MARF1: variants seen among roughly 807,000 people sequenced by gnomAD.
MARF1 encodes the protein meiosis regulator and mRNA stability factor 1, also known as limkain-b1.
Under a neutral mutation model 168.2 loss-of-function variants are expected in MARF1, and 24 were observed. The observed-to-expected ratio is 0.14, with a 90% CI of 0.10 to 0.20. The LOEUF is 0.20. MARF1 is among the 10% of genes least tolerant of loss of function. The pLI, the probability that MARF1 is intolerant of heterozygous loss-of-function variation, is 1.00. For synonymous variants in MARF1, 868 were observed against 822.4 expected, an observed-to-expected ratio of 1.06 and a Z score of -0.95; for missense variants, 1,744 against 2,143.6, an observed-to-expected ratio of 0.81 and a Z score of 3.68.
chr16:15,613,641 C>A (rs1198701613), intron 16 of MARF1, among the ~76,000 whole-genome samples: 1 of 123,520 alleles, frequency 8.1e-6, no homozygotes, highest in East Asian at 2.3e-4. Context: ...CAGCCTGGGA[C>A]ACAGAGCGAG....
rs906566193 is a variant in MARF1, at chr16:15,617,439, G to A, written c.2817C>T (p.Pro939=). ...AGGGGCTCTGGCGGGCCTGACTGCT[G>A]GGTAGGAGACACACCAGCCGTCCGT... ...QGNGRLVCLL[P]SSQARQSPLG... is the part of the protein sequence containing the mutation. Residue 939 remains proline (P), a synonymous_variant, in exon 14 of 27, where the codon CCC becomes CCT. Coordinates refer to ENST00000396368, the MANE Select transcript of MARF1 (RefSeq NM_014647.4). The A allele has an allele frequency of 6.2e-7, 1 of 1,613,960 alleles. No individual in the cohort carries two copies. The highest frequency in any genetic ancestry group is 8.5e-7 in the Non-Finnish European group (1 of 1,180,034).
intron 21 of MARF1, among the ~76,000 whole-genome samples, chr16:15,607,524 G>A (rs1209146342): frequency 6.6e-6 from 1 of 152,140 alleles, no homozygotes; most frequent in African/African-American, 2.4e-5. Context: ...ACTCTAGCCT[G>A]GGCCACAGAG....
Position 15,615,889 on chromosome 16 carries a change from G to A in MARF1, c.3194C>T (p.Ala1065Val). 1.2e-6 allele frequency: 2 copies of A among 1,601,904 alleles called. No individual in the cohort carries two copies. Among genetic ancestry groups the A allele is most frequent in the Non-Finnish European group, 1.7e-6 (2 of 1,173,626 alleles). ...TCVPGVNIAT[A>V]QNGIKVVKWI... ...TTTAACCACTTTGATGCCATTCTGA[G>A]CAGTGGCAATGTTTACACCTGGAAC... Residue 1065 changes from alanine (A) to valine (V), a missense_variant, in exon 16 of 27, where the codon GCT becomes GTT. Ala to Val is a moderately conservative substitution (Grantham distance 64). Around this residue, in one of 7 missense-constraint regions of MARF1, gnomAD observed 543 missense variants for 742.1 expected, o/e 0.73. Coordinates refer to ENST00000396368, the MANE Select transcript of MARF1 (RefSeq NM_014647.4).
intron 14 of MARF1, 52 bp downstream of exon 14, chr16:15,617,247 T>C: frequency 1.2e-6 from 2 of 1,609,782 alleles, no homozygotes; most frequent in Non-Finnish European, 8.5e-7. Flanking sequence ...TCCTAACATG[T>C]TCCACAATCT....
chr16:15,619,672 C>T (rs1183895891), intron 13 of MARF1, among the ~76,000 whole-genome samples: 2 of 152,152 alleles, frequency 1.3e-5, no homozygotes, highest in African/African-American at 2.4e-5. Flanking sequence ...TTTCTCTTCC[C>T]GCTAGACATA....
chr16:15,605,369 T>C (rs1365150670), intron 21 of MARF1, among the ~76,000 whole-genome samples: 2 of 152,100 alleles, frequency 1.3e-5, no homozygotes, highest in African/African-American at 4.8e-5. Context: ...TGAGGAGCCA[T>C]CCCAAGACCA....
At chr16:15,601,148 G>T in intron 23 of MARF1, 2 of 456,430 alleles carry the variant, frequency 4.4e-6, no homozygotes, top group Non-Finnish European at 8.8e-6. Flanking sequence ...CTCCATCTCA[G>T]CCAAGCAGAG....
At chr16:15,640,476 G>T (rs568836368) in intron 1 of MARF1, among the ~76,000 whole-genome samples, 1 of 152,210 alleles carries the variant, frequency 6.6e-6, no homozygotes, top group African/African-American at 2.4e-5. Flanking sequence ...GGCCAAGGTG[G>T]GTGGATTGCT....
rs771291028 is a variant in MARF1 at position 15,598,986 on chromosome 16, C to T, written c.4852G>A (p.Asp1618Asn). The change falls in exon 26 of 27, where the codon GAC becomes AAC. Residue 1618 changes from aspartate (D) to asparagine (N), a missense_variant. Asp to Asn is a conservative substitution (Grantham distance 23, BLOSUM62 1). Coordinates refer to ENST00000396368, the MANE Select transcript of MARF1 (RefSeq NM_014647.4). ...HTEQELLRLTDDSPVDLLCAP... is the reference protein window; with the variant it reads ...HTEQELLRLTNDSPVDLLCAP... ...CACAGGAGGTCGACGGGGGAGTCGT[C>T]GGTCAGGCGGAGAAGCTCCTGCTCT... The T allele has an allele frequency of 3.5e-5, 57 of 1,611,386 alleles. 2 individuals are homozygous for T. Among genetic ancestry groups the T allele is most frequent in the South Asian group, 2.0e-4 (18 of 90,832 alleles).
chr16:15,624,245 C>T (rs2034676338), intron 10 of MARF1, among the ~76,000 whole-genome samples: 1 of 152,186 alleles, frequency 6.6e-6, no homozygotes. Flanking sequence ...CTACAGTGAT[C>T]TGCCACCAAC....
chr16:15,609,285 T>G (rs571738036), intron 20 of MARF1, among the ~76,000 whole-genome samples: 32 of 152,148 alleles, frequency 2.1e-4, no homozygotes, highest in Non-Finnish European at 4.6e-4. Context: ...CTACTGAATC[T>G]TTTTTTCAAT....
chr16:15,640,129 G>C (rs751613659), intron 1 of MARF1, among the ~76,000 whole-genome samples: 2 of 152,306 alleles, frequency 1.3e-5, no homozygotes, highest in Non-Finnish European at 1.5e-5. Context: ...GAGTAAAAGA[G>C]CCACCACCAC....
rs1222998400 is a variant in MARF1, at chr16:15,600,435, G to A, written c.4806C>T (p.Asp1602=). 1.5e-5 allele frequency: 25 copies of A among 1,613,914 alleles called. No homozygotes were observed. Among genetic ancestry groups the A allele is most frequent in the African/African-American group, 8.0e-5 (6 of 74,874 alleles). The part of the protein sequence containing the change: ...HTASELKLGA[D]GSGPSHTEQE... ...CTGCTTTTCCTCTCTTACCACTGCC[G>A]TCAGCTCCAAGCTTGAGTTCCGAGG... The change falls in exon 25 of 27, where the codon GAC becomes GAT. Residue 1602 remains aspartate, a synonymous_variant. Transcript: ENST00000396368.
chr16:15,625,010 A>C lies in MARF1; in HGVS notation c.2111+6T>G. ...AGCAGCTATGAGAAAGAGTAGTTTCACATACTTCTGACTGGTTTTGTAAAC... is the reference window on the plus strand; with the variant it reads ...AGCAGCTATGAGAAAGAGTAGTTTCCCATACTTCTGACTGGTTTTGTAAAC... On this transcript the variant is annotated splice_donor_region_variant and intron_variant, in intron 9 of 26. Coordinates refer to ENST00000396368, the MANE Select transcript of MARF1 (RefSeq NM_014647.4). 1 of 1,614,146 alleles carries C rather than the reference A, an allele frequency of 6.2e-7. No individual in the cohort carries two copies. Among genetic ancestry groups the C allele is most frequent in the Non-Finnish European group, 8.5e-7 (1 of 1,179,994 alleles).
At chr16:15,597,662 G>A (rs1034265636) in intron 26 of MARF1, among the ~76,000 whole-genome samples, 1 of 152,238 alleles carries the variant, frequency 6.6e-6, no homozygotes, top group Non-Finnish European at 1.5e-5. Flanking sequence ...GGGGACAGCA[G>A]AGCCAGCTCC....
Position 15,625,023 on chromosome 16 carries a change from T to C in MARF1, c.2104A>G (p.Ser702Gly), listed in dbSNP as rs1052451402. The C allele has an allele frequency of 1.9e-6, 3 of 1,614,134 alleles. No individual in the cohort carries two copies. Among genetic ancestry groups the C allele is most frequent in the Non-Finnish European group, 2.5e-6 (3 of 1,180,048 alleles). ...SGVAEPVYKT[S>G]QKKENLSARS... ...AAGAGTAGTTTCACATACTTCTGAC[T>C]GGTTTTGTAAACGGGTTCTGCCACC... The change falls in exon 9 of 27, where the codon AGT (serine) becomes GGT (glycine). Residue 702 changes from serine (S) to glycine (G), a missense_variant. By Grantham distance (56) the Ser-to-Gly change is moderately conservative. Transcript: ENST00000396368.
chr16:15,631,540 G>T, intron 5 of MARF1, 42 bp from the exon 6 acceptor site: 2 of 1,388,976 alleles, frequency 1.4e-6, no homozygotes, highest in Non-Finnish European at 2.0e-6. Context: ...AGGAGCTGAG[G>T]CTAGAAAATT....
At chr16:15,630,852 C>T (rs1000102742) in intron 6 of MARF1, among the ~76,000 whole-genome samples, 2 of 151,092 alleles carry the variant, frequency 1.3e-5, no homozygotes, top group African/African-American at 4.9e-5. Context: ...TGGTCCCGGC[C>T]GGGCGTGGTG....
In MARF1 at chr16:15,633,531, T is replaced by C. The variant is rs990075060; in HGVS notation, c.1233+86A>G. 4.6e-5 allele frequency: 49 copies of C among 1,055,464 alleles called. No homozygotes were observed. The African/African-American group carries it at 7.2e-4, about 15-fold the overall frequency. 65.4% of individuals were successfully genotyped at this position (1,055,464 alleles called of 1,614,324 possible). On this transcript the variant is annotated intron_variant, in intron 5 of 26. Coordinates refer to ENST00000396368, the MANE Select transcript of MARF1 (RefSeq NM_014647.4). Reference sequence around the variant, plus strand: ...ACTGCACTCCAGCCTGGGTGACACTTAGACTCTGTCTCAAAACAAACAAAC... The same window carrying C: ...ACTGCACTCCAGCCTGGGTGACACTCAGACTCTGTCTCAAAACAAACAAAC...
Sources: gnomAD v4.1 joint callset for allele counts (sites outside exome capture counted in the v4.1 genomes callset) on GRCh38, gnomAD v4.1.1 for gene constraint, gnomAD v4.1.1 regional missense constraint, MANE v1.5 for transcripts, NCBI Gene and HGNC (gene_info 2026-07-23, HGNC 2026-07-21) for gene names.